QTMAN: variants seen among roughly 807,000 people sequenced by gnomAD.
QTMAN encodes the protein queuosine-tRNA mannosyltransferase.
the QTMAN span, among the ~76,000 whole-genome samples, chr2:143,987,184 A>G: frequency 6.6e-6 from 1 of 152,186 alleles, no homozygotes; most frequent in Non-Finnish European, 1.5e-5. Context: ...TATGACCTCA[A>G]GTAGGGTCTA....
the QTMAN span, among the ~76,000 whole-genome samples, chr2:144,079,680 T>C: frequency 6.6e-6 from 1 of 152,060 alleles, no homozygotes; most frequent in Admixed American, 6.6e-5. Flanking sequence ...TGGAGTCTAA[T>C]ATAGTAGATG....
chr2:144,316,489 T>C, the QTMAN span, among the ~76,000 whole-genome samples: 1 of 152,184 alleles, frequency 6.6e-6, no homozygotes, highest in Admixed American at 6.5e-5. Flanking sequence ...CAGATTCTAT[T>C]TGGAGGTGAT....
At chr2:144,251,545 G>C in the QTMAN span, among the ~76,000 whole-genome samples, 1 of 152,176 alleles carries the variant, frequency 6.6e-6, no homozygotes, top group East Asian at 1.9e-4. Context: ...AGATCATAAT[G>C]AAGACCTTAC....
chr2:143,983,618 C>A, the QTMAN span, among the ~76,000 whole-genome samples: 3 of 151,764 alleles, frequency 2.0e-5, no homozygotes, highest in African/African-American at 7.3e-5. Context: ...GACTACAGGT[C>A]CCCTGCCACC....
the QTMAN span, among the ~76,000 whole-genome samples, chr2:143,997,987 C>T: frequency 6.6e-6 from 1 of 151,950 alleles, no homozygotes; most frequent in Non-Finnish European, 1.5e-5. Flanking sequence ...TGCGGTATAT[C>T]AACTCATGTC....
chr2:144,310,867 G>A, the QTMAN span, among the ~76,000 whole-genome samples: 4 of 152,256 alleles, frequency 2.6e-5, no homozygotes, highest in African/African-American at 9.6e-5. Context: ...GATGTCATAA[G>A]ACAGCTGGAT....
At chr2:144,181,301 A>C in the QTMAN span, among the ~76,000 whole-genome samples, 2 of 152,234 alleles carry the variant, frequency 1.3e-5, no homozygotes, top group African/African-American at 4.8e-5. Context: ...AAGACAACTA[A>C]TGCAAAATGT....
At chr2:144,313,851 G>A in the QTMAN span, among the ~76,000 whole-genome samples, 94 of 150,738 alleles carry the variant, frequency 6.2e-4, no homozygotes, top group African/African-American at 2.2e-3. Context: ...ACTCCTACAG[G>A]CTCTCTGGCT....
chr2:144,088,206 C>T, the QTMAN span, among the ~76,000 whole-genome samples: 19 of 151,730 alleles, frequency 1.3e-4, no homozygotes, highest in African/African-American at 4.1e-4. Flanking sequence ...TTTATAACTG[C>T]TACAAAAACA....
chr2:144,300,806 T>A, the QTMAN span, among the ~76,000 whole-genome samples: 1 of 151,882 alleles, frequency 6.6e-6, no homozygotes, highest in South Asian at 2.1e-4. Flanking sequence ...GGAAAAAAAA[T>A]AATAACTCAA....
chr2:143,990,151 A>G, the QTMAN span, among the ~76,000 whole-genome samples: 2 of 151,972 alleles, frequency 1.3e-5, no homozygotes, highest in Non-Finnish European at 2.9e-5. Flanking sequence ...AAAAAAAAAA[A>G]TTCTCCTGCT....
At chr2:144,109,477 T>C in the QTMAN span, among the ~76,000 whole-genome samples, 10 of 151,964 alleles carry the variant, frequency 6.6e-5, no homozygotes, top group East Asian at 1.9e-4. Flanking sequence ...ATTCAGGACA[T>C]AGGCATGGGC....
chr2:144,039,703 T>C, the QTMAN span, among the ~76,000 whole-genome samples: 2 of 152,158 alleles, frequency 1.3e-5, no homozygotes, highest in Non-Finnish European at 2.9e-5. Flanking sequence ...CTGACTTCTG[T>C]TTGAGTCACT....
the QTMAN span, chr2:143,951,912 T>G: frequency 1.3e-6 from 1 of 784,714 alleles, no homozygotes; most frequent in East Asian, 2.5e-5. Context: ...AATTAAATGT[T>G]TTTTTTTAAG....
the QTMAN span, chr2:143,946,730 A>G: frequency 3.5e-6 from 1 of 282,456 alleles, no homozygotes; most frequent in Non-Finnish European, 6.6e-6. Flanking sequence ...GTGGCACCAC[A>G]TATGGGATAC....
At chr2:143,991,821 G>A in the QTMAN span, among the ~76,000 whole-genome samples, 1 of 149,212 alleles carries the variant, frequency 6.7e-6, no homozygotes, top group African/African-American at 2.5e-5. Context: ...CGCCTCGTCC[G>A]GGAGGTGAGG....
the QTMAN span, among the ~76,000 whole-genome samples, chr2:144,182,643 C>CAAAAA: frequency 5.7e-5 from 2 of 34,976 alleles, no homozygotes; most frequent in African/African-American, 9.4e-5. Context: ...GACTCCGTCT[C>CAAAAA]AAAAAAAAAA....
the QTMAN span, among the ~76,000 whole-genome samples, chr2:144,319,093 G>C: frequency 2.6e-5 from 4 of 152,114 alleles, no homozygotes; most frequent in Non-Finnish European, 5.9e-5. Context: ...CATTTTAAGT[G>C]AATTTAATTT....
chr2:144,189,127 C>T, the QTMAN span, among the ~76,000 whole-genome samples: 3 of 152,262 alleles, frequency 2.0e-5, no homozygotes, highest in South Asian at 6.2e-4. Context: ...ATTAGAAAGA[C>T]CTGCAGGGTA....
Sources: allele counts gnomAD v4.1 joint callset (sites outside exome capture counted in the v4.1 genomes callset), GRCh38; gene constraint gnomAD v4.1.1; transcripts MANE v1.5; gene names NCBI Gene and HGNC (gene_info 2026-07-23, HGNC 2026-07-21).